The following STOM variants were observed in gnomAD, a reference collection of about 807,000 sequenced individuals.
STOM encodes the protein erythrocyte band 7 integral membrane protein.
STOM carries 25 observed loss-of-function variants against 30.6 expected under a neutral mutation model. That is an observed-to-expected ratio of 0.82 (90% CI 0.60 to 1.14). The LOEUF is 1.14. Ranked by LOEUF, STOM falls within the 50% of genes most tolerant of loss-of-function variation. The probability of loss-of-function intolerance (pLI) is 0.00; values close to 1 mark genes in which losing one functional copy is unlikely to be tolerated. For synonymous variants in STOM, 118 were observed against 130.8 expected (o/e 0.90, Z 0.67); for missense variants, 292 against 365.2 (o/e 0.80, Z 1.63).
chr9:121,347,779 A>G (rs2064302249), intron 6 of STOM, among the ~76,000 whole-genome samples: 1 of 152,226 alleles, frequency 6.6e-6, no homozygotes, highest in African/African-American at 2.4e-5. Flanking sequence ...TACTTTTGTA[A>G]AACAAACAAG....
In STOM at chr9:121,356,121, T is replaced by TC. The variant is rs766965853; in HGVS notation, c.96dup (p.Ile33AspfsTer29). The TC allele has an allele frequency of 6.2e-7, 1 of 1,614,120 alleles. No individual in the cohort carries two copies. Among genetic ancestry groups the TC allele is most frequent in the Non-Finnish European group, 8.5e-7 (1 of 1,180,004 alleles). The stretch of plus-strand genomic sequence containing the variant: ...AATAAGAATGAGAACGCCACCAAAA[T>TC]CCATCCGCAAGGTCCAAGGCCCTTA... On this transcript the variant is annotated frameshift_variant, in exon 2 of 7. Coordinates refer to ENST00000286713, the MANE Select transcript of STOM (RefSeq NM_004099.6). LOFTEE classifies it high-confidence loss of function.
At chr9:121,357,609 T>C (rs906453460) in intron 1 of STOM, among the ~76,000 whole-genome samples, 17 of 151,520 alleles carry the variant, frequency 1.1e-4, no homozygotes, top group Non-Finnish European at 8.8e-5. Flanking sequence ...CCGGCTACTT[T>C]TTGTATTTAG....
Position 121,358,154 on chromosome 9 carries a change from AT to A in STOM, c.62-1999del, listed in dbSNP as rs200831879. 7.0e-3 allele frequency among the ~76,000 whole-genome samples: 1,038 copies of A among 148,792 alleles called. 35 individuals are homozygous for A. The highest frequency in any genetic ancestry group is 0.057 in the Admixed American group (851 of 14,826). ...TGTCTCTACTTTAAAAAAAAAAAAA[AT>A]AATAATAATAATATGCTTCTGCCAG... On this transcript the variant is annotated intron_variant, in intron 1 of 6. Coordinates refer to ENST00000286713, the MANE Select transcript of STOM (RefSeq NM_004099.6).
chr9:121,356,096 A>T lies in STOM; in HGVS notation c.122T>A (p.Phe41Tyr). The change falls in exon 2 of 7, where the codon TTC becomes TAC. Residue 41 changes from phenylalanine (F) to tyrosine (Y), a missense_variant. By Grantham distance (22) the Phe-to-Tyr change is conservative. Transcript: ENST00000286713. The stretch of plus-strand genomic sequence containing the variant: ...TGAGATTGGGAAAGTTATAACGGTG[A>T]ATAAGAATGAGAACGCCACCAAAAT... ...GWILVAFSFL[F>Y]TVITFPISIW... The T allele has an allele frequency of 3.1e-6, 5 of 1,614,174 alleles. No individual in the cohort carries two copies. The highest frequency in any genetic ancestry group is 4.2e-6 in the Non-Finnish European group (5 of 1,180,024).
chr9:121,355,006 T>C (rs1042032563), intron 2 of STOM, among the ~76,000 whole-genome samples: 2 of 152,188 alleles, frequency 1.3e-5, no homozygotes, highest in Admixed American at 6.5e-5. Flanking sequence ...ACGCCTGTAA[T>C]TTCAGCATTT....
chr9:121,366,273 G>T (rs140342348), intron 1 of STOM: 2 of 984,910 alleles, frequency 2.0e-6, no homozygotes, highest in Admixed American at 1.2e-4. Context: ...GACAGAGAAA[G>T]ATTAAAAAAG....
At chr9:121,369,835 G>A (rs966438093) in intron 1 of STOM, 2 of 381,522 alleles carry the variant, frequency 5.2e-6, no homozygotes, top group Non-Finnish European at 9.5e-6. Flanking sequence ...CCGCGTGCGT[G>A]ACACGAGATA....
At position 121,341,084 on chromosome 9, in the gene STOM, C is replaced by CA. The variant is rs2064242100; in HGVS notation, c.*117dup. ...TTCACCTATTTTTATAACTGCTATA[C>CA]ATTCTGGGAACACCACAATTGACAT... On this transcript the variant is annotated 3_prime_UTR_variant, in exon 7 of 7. Transcript: ENST00000286713. 6.5e-7 allele frequency: 1 copy of CA among 1,533,620 alleles called. No individual in the cohort carries two copies. The highest frequency in any genetic ancestry group is 1.4e-5 in the African/African-American group (1 of 72,532).
chr9:121,365,106 T>C (rs992203388), intron 1 of STOM, among the ~76,000 whole-genome samples: 1 of 152,046 alleles, frequency 6.6e-6, no homozygotes, highest in Non-Finnish European at 1.5e-5. Flanking sequence ...AAATAGTTGC[T>C]GGATGAGTTG....
In STOM at chr9:121,340,083, G is replaced by T. The variant is rs913759453; in HGVS notation, c.*1119C>A. ...ATATAACAATTGCATATAGAACGTAGAGAAAATTTTATTAAAAAATTAAAA... is the reference window on the plus strand; with the variant it reads ...ATATAACAATTGCATATAGAACGTATAGAAAATTTTATTAAAAAATTAAAA... On this transcript the variant is annotated 3_prime_UTR_variant, in exon 7 of 7. Transcript: ENST00000286713. 2.1e-6 allele frequency: 2 copies of T among 975,370 alleles called. No homozygotes were observed. Among genetic ancestry groups the T allele is most frequent in the Non-Finnish European group, 2.4e-6 (2 of 820,904 alleles). 60.4% of individuals were successfully genotyped at this position (975,370 alleles called of 1,614,324 possible).
chr9:121,347,130 G>A (rs1019437014), intron 6 of STOM, among the ~76,000 whole-genome samples: 9 of 152,156 alleles, frequency 5.9e-5, no homozygotes, highest in Non-Finnish European at 1.2e-4. Flanking sequence ...GTTCTTTAGT[G>A]TTCACCTGGC....
chr9:121,356,711 C>T (rs1344552230), intron 1 of STOM, among the ~76,000 whole-genome samples: 1 of 151,954 alleles, frequency 6.6e-6, no homozygotes, highest in Admixed American at 6.6e-5. Context: ...GGCTGGGCGT[C>T]GTGGCTCACG....
intron 6 of STOM, among the ~76,000 whole-genome samples, chr9:121,342,682 A>C (rs966261680): frequency 6.6e-6 from 1 of 152,256 alleles, no homozygotes. Flanking sequence ...TACATTTAAA[A>C]GAATGATGTT....
In STOM at chr9:121,353,273, T is replaced by C. The variant is rs1589292093; in HGVS notation, c.268A>G (p.Ser90Gly). The stretch of plus-strand genomic sequence containing the variant: ...GTTCTCATGTCCACTTTGATGAAGC[T>C]GTCAGTGCATGGCAGAATAAAAAAC... ...GLFFILPCTD[S>G]FIKVDMRTIS... Residue 90 changes from serine to glycine, a missense_variant, in exon 4 of 7, where the codon AGC (serine) becomes GGC (glycine). Physicochemically the swap from Ser to Gly is moderately conservative, Grantham distance 56. Transcript: ENST00000286713. 2.5e-6 allele frequency: 4 copies of C among 1,612,096 alleles called. No homozygotes were observed. In the East Asian group the frequency reaches 8.9e-5, roughly 36 times the overall value.
chr9:121,343,410 C>A (rs2134021250), intron 6 of STOM, among the ~76,000 whole-genome samples: 1 of 152,240 alleles, frequency 6.6e-6, no homozygotes, highest in Middle Eastern at 3.4e-3. Flanking sequence ...AGAGTGGAAT[C>A]CCTAGCCTTC....
intron 6 of STOM, among the ~76,000 whole-genome samples, chr9:121,342,376 A>G (rs2064254028): frequency 6.6e-6 from 1 of 152,156 alleles, no homozygotes; most frequent in African/African-American, 2.4e-5. Context: ...CAAAAAAAAA[A>G]AAAAAAATTG....
chr9:121,356,980 CAAAAGAAAAG>C (rs370722634), intron 1 of STOM, among the ~76,000 whole-genome samples: 3 of 151,100 alleles, frequency 2.0e-5, no homozygotes, highest in African/African-American at 7.3e-5. Flanking sequence ...AAGAATCTGT[CAAAAGAAAAG>C]AAAAGAAAAG....
chr9:121,353,179 C>G, intron 4 of STOM, 41 bp downstream of exon 4: 1 of 1,271,296 alleles, frequency 7.9e-7, no homozygotes, highest in Non-Finnish European at 1.1e-6. Context: ...TTGTAAAGCA[C>G]TTTCACATAT....
In STOM at chr9:121,340,165, A is replaced by G. The variant is rs2064233434; in HGVS notation, c.*1037T>C. The stretch of plus-strand genomic sequence containing the variant: ...ACAGTGAGAAAAAAGCACTTTTGTG[A>G]CAAATATTTAGCTGGTTTGAAAGAC... On this transcript the variant is annotated 3_prime_UTR_variant, in exon 7 of 7. Transcript: ENST00000286713. 2 of 985,368 alleles carry G rather than the reference A, an allele frequency of 2.0e-6. No homozygotes were observed. Among genetic ancestry groups the G allele is most frequent in the Admixed American group, 1.2e-4 (2 of 16,274 alleles). The allele number at this position is 985,368 out of a possible 1,614,324, so 61.0% of individuals were successfully genotyped here.
Sources: gnomAD v4.1 joint callset for allele counts (sites outside exome capture counted in the v4.1 genomes callset) on GRCh38, gnomAD v4.1.1 for gene constraint, MANE v1.5 for transcripts, NCBI Gene and HGNC (gene_info 2026-07-23, HGNC 2026-07-21) for gene names.